CFTR: variants seen among roughly 807,000 people sequenced by gnomAD.
The protein encoded by CFTR is cystic fibrosis transmembrane conductance regulator.
CFTR carries 181 observed loss-of-function variants against 171.6 expected under a neutral mutation model. The ratio of observed to expected loss-of-function variants is 1.05; its 90% confidence interval spans 0.93 to 1.19. The LOEUF (loss-of-function observed/expected upper bound fraction) is 1.19, where lower values mean the gene tolerates loss of function less well. Among genes scored for constraint, CFTR ranks in the 50% most tolerant of loss-of-function variants. CFTR has a pLI of 0.00. For missense variants in CFTR, 1,968 were observed against 1,734.7 expected (o/e 1.13, Z -2.39); for synonymous variants, 583 against 608.0 (o/e 0.96, Z 0.60).
Position 117,667,194 on chromosome 7 carries a change from AAC to A in CFTR, c.*88_*89del. On this transcript the variant is annotated 3_prime_UTR_variant, in exon 27 of 27. Transcript: ENST00000003084. Reference sequence around the variant, plus strand: ...CACCTCATGGAATTGGAGCTCGTGGAACAGTTACCTCTGCCTCAGAAAACAAG... The same window carrying A: ...CACCTCATGGAATTGGAGCTCGTGGAAGTTACCTCTGCCTCAGAAAACAAG... 18 of 1,181,900 alleles carry A rather than the reference AAC, an allele frequency of 1.5e-5. No individual in the cohort carries two copies. The highest frequency in any genetic ancestry group is 2.2e-5 in the Non-Finnish European group (18 of 800,836). The allele number at this position is 1,181,900 out of a possible 1,614,324, so 73.2% of individuals were successfully genotyped here. A position where few individuals can be genotyped will look rare whatever the true frequency, so the allele number is the denominator to read the frequency against.
At chr7:117,644,085 T>C (rs1792960517) in intron 23 of CFTR, among the ~76,000 whole-genome samples, 1 of 152,014 alleles carries the variant, frequency 6.6e-6, no homozygotes, top group Non-Finnish European at 1.5e-5. Flanking sequence ...TCCACTCTTC[T>C]ATGGTTTCTA....
chr7:117,595,021 T>G lies in CFTR; in HGVS notation c.2582T>G (p.Phe861Cys). ...ATTACTGTCCACAAGAGCTTAATTT[T>G]TGTGCTAATTTGGTGCTTAGTAATT... is the stretch of plus-strand genomic sequence containing the variant. ...RYITVHKSLI[F>C]VLIWCLVIFL... Residue 861 changes from phenylalanine to cysteine, a missense_variant, in exon 15 of 27, where the codon TTT (phenylalanine) becomes TGT (cysteine). Transcript: ENST00000003084. 1 of 1,613,022 alleles carries G rather than the reference T, an allele frequency of 6.2e-7. No individual in the cohort carries two copies. Among genetic ancestry groups the G allele is most frequent in the South Asian group, 1.1e-5 (1 of 91,056 alleles).
intron 3 of CFTR, among the ~76,000 whole-genome samples, chr7:117,518,440 T>C (rs1798632511): frequency 6.8e-6 from 1 of 147,458 alleles, no homozygotes; most frequent in African/African-American, 2.5e-5. Flanking sequence ...CTATATTATA[T>C]ATTATTAACA....
At chr7:117,627,362 T>C (rs1792665903) in intron 21 of CFTR, among the ~76,000 whole-genome samples, 160 bp from the exon 22 acceptor site, 1 of 152,178 alleles carries the variant, frequency 6.6e-6, no homozygotes, top group Non-Finnish European at 1.5e-5. Flanking sequence ...CTTTTAATTA[T>C]ATCCAATTAT....
intron 1 of CFTR, among the ~76,000 whole-genome samples, chr7:117,502,908 C>A (rs1190372646): frequency 6.6e-6 from 1 of 152,154 alleles, no homozygotes; most frequent in Non-Finnish European, 1.5e-5. Context: ...AGTTACTTAA[C>A]CTTAGAGCCC....
chr7:117,568,748 G>T (rs986877321), intron 11 of CFTR, among the ~76,000 whole-genome samples: 1 of 152,082 alleles, frequency 6.6e-6, no homozygotes, highest in Non-Finnish European at 1.5e-5. Flanking sequence ...TTGTGTGTAT[G>T]CAGTGAGAAC....
intron 22 of CFTR, among the ~76,000 whole-genome samples, chr7:117,635,501 A>G (rs887493267): frequency 1.3e-5 from 2 of 151,994 alleles, no homozygotes; most frequent in African/African-American, 4.8e-5. Context: ...TCTGTCTGTT[A>G]CACTACTTGT....
At chr7:117,659,513 G>A (rs1793232393) in intron 24 of CFTR, among the ~76,000 whole-genome samples, 1 of 152,130 alleles carries the variant, frequency 6.6e-6, no homozygotes, top group East Asian at 1.9e-4. Flanking sequence ...ATACACAGCA[G>A]GTATTACCAT....
intron 9 of CFTR, among the ~76,000 whole-genome samples, chr7:117,547,366 T>A (rs2115898093): frequency 6.6e-6 from 1 of 152,252 alleles, no homozygotes; most frequent in South Asian, 2.1e-4. Flanking sequence ...AGCTGCAGTT[T>A]CAGTGCATTC....
intron 11 of CFTR, among the ~76,000 whole-genome samples, chr7:117,576,233 A>G (rs191714244): frequency 6.5e-4 from 99 of 152,250 alleles, no homozygotes; most frequent in Non-Finnish European, 9.4e-4. Flanking sequence ...GGCCCTTTGT[A>G]TCTTTGAGTT....
chr7:117,656,904 T>G (rs889609262), intron 24 of CFTR, among the ~76,000 whole-genome samples: 1 of 152,180 alleles, frequency 6.6e-6, no homozygotes, highest in African/African-American at 2.4e-5. Flanking sequence ...TGCCTGTGAG[T>G]GTTAAACACT....
At chr7:117,498,574 C>A (rs561101824) in intron 1 of CFTR, among the ~76,000 whole-genome samples, 1 of 152,210 alleles carries the variant, frequency 6.6e-6, no homozygotes, top group African/African-American at 2.4e-5. Context: ...ATACATCTGA[C>A]TAAATAACTC....
intron 24 of CFTR, among the ~76,000 whole-genome samples, chr7:117,656,621 T>C (rs2116204129): frequency 6.6e-6 from 1 of 152,324 alleles, no homozygotes; most frequent in Middle Eastern, 3.4e-3. Context: ...AACAGAATAC[T>C]CTAGCTATAA....
Position 117,538,274 on chromosome 7 carries a change from T to C in CFTR, c.869+1601T>C, listed in dbSNP as rs139091943. Among the ~76,000 whole-genome samples the C allele has an allele frequency of 4.3e-3, 656 of 152,274 alleles. 3 individuals carry two copies. The highest frequency in any genetic ancestry group is 7.8e-3 in the Admixed American group (119 of 15,286). On this transcript the variant is annotated intron_variant, in intron 7 of 26. Transcript: ENST00000003084. ...TCAGCCTGGGCCACTGTTGTACTGG[T>C]CAAAAGGCTGTGCAAAGCTCTCTGA...
chr7:117,504,623 G>A (rs908376332), intron 2 of CFTR, among the ~76,000 whole-genome samples: 1 of 151,870 alleles, frequency 6.6e-6, no homozygotes, highest in Admixed American at 6.6e-5. Flanking sequence ...GAATGGTAGT[G>A]CATGCTTGTA....
At chr7:117,485,839 C>A (rs1243482909) in intron 1 of CFTR, among the ~76,000 whole-genome samples, 1 of 152,052 alleles carries the variant, frequency 6.6e-6, no homozygotes, top group African/African-American at 2.4e-5. Context: ...AGGGCCTTTT[C>A]TAATTTGTTT....
Position 117,504,380 on chromosome 7 carries a change from T to C in CFTR, c.164+17T>C. On this transcript the variant is annotated intron_variant, in intron 2 of 26. Transcript: ENST00000003084. ...ATTGGAAAGGTATGTTCATGTACAT[T>C]GTTTAGTTGAAGAGAGAAATTCATA... is the stretch of plus-strand genomic sequence containing the variant. 8.4e-7 allele frequency: 1 copy of C among 1,191,938 alleles called. No homozygotes were observed. The allele number at this position is 1,191,938 out of a possible 1,614,324, so 73.8% of individuals were successfully genotyped here.
chr7:117,577,016 T>C (rs1436979734), intron 11 of CFTR, among the ~76,000 whole-genome samples: 1 of 151,962 alleles, frequency 6.6e-6, no homozygotes, highest in African/African-American at 2.4e-5. Context: ...GATAAGAAAA[T>C]GGATGACAGG....
In CFTR at chr7:117,545,671, A is replaced by G. The variant is rs573129453; in HGVS notation, c.1210-2970A>G. On this transcript the variant is annotated intron_variant, in intron 9 of 26. Coordinates refer to ENST00000003084, the MANE Select transcript of CFTR (RefSeq NM_000492.4). ...TAAGTAACATTCCTATTAACATATTAGGAAGCTGAGGCTTAGACAGTTTAA... is the reference window on the plus strand; with the variant it reads ...TAAGTAACATTCCTATTAACATATTGGGAAGCTGAGGCTTAGACAGTTTAA... Among the ~76,000 whole-genome samples the G allele has an allele frequency of 3.3e-5, 5 of 152,306 alleles. No homozygotes were observed. The South Asian group carries it at 8.3e-4, about 25-fold the overall frequency.
Sources: allele counts gnomAD v4.1 joint callset (sites outside exome capture counted in the v4.1 genomes callset), GRCh38; gene constraint gnomAD v4.1.1; transcripts MANE v1.5; gene names NCBI Gene and HGNC (gene_info 2026-07-23, HGNC 2026-07-21).